The following PDXDC1 variants were observed in gnomAD, a reference collection of about 807,000 sequenced individuals.
The protein encoded by PDXDC1 is pyridoxal-dependent decarboxylase domain-containing protein 1.
PDXDC1 carries 42 observed loss-of-function variants against 100.1 expected under a neutral mutation model. The observed-to-expected ratio is 0.42, with a 90% CI of 0.33 to 0.54. The LOEUF (loss-of-function observed/expected upper bound fraction) is 0.54, where lower values mean the gene tolerates loss of function less well. Ranked by LOEUF, PDXDC1 falls within the 20% of genes least tolerant of loss-of-function variation. PDXDC1 has a pLI of 0.10. For missense variants in PDXDC1, 636 were observed against 979.2 expected (o/e 0.65, Z 4.68); for synonymous variants, 260 against 371.7 (o/e 0.70, Z 3.46).
intron 16 of PDXDC1, among the ~76,000 whole-genome samples, chr16:15,053,108 T>G (rs2044360533): frequency 6.6e-6 from 1 of 152,188 alleles, no homozygotes; most frequent in South Asian, 2.1e-4. Flanking sequence ...GAGTTTCAAT[T>G]TTATCTAATT....
intron 16 of PDXDC1, 141 bp from the exon 17 acceptor site, chr16:15,031,594 C>A: frequency 3.1e-6 from 2 of 646,214 alleles, no homozygotes; most frequent in Admixed American, 2.9e-5. Flanking sequence ...TGTTGAGGGC[C>A]TTTTTTTGTT....
At chr16:14,982,491 C>G (rs1408465020) in intron 1 of PDXDC1, among the ~76,000 whole-genome samples, 2 of 152,260 alleles carry the variant, frequency 1.3e-5, no homozygotes, top group African/African-American at 4.8e-5. Context: ...GGTGTGGTGG[C>G]TCACGCCTGT....
chr16:15,017,696 G>A (rs2041894462), intron 11 of PDXDC1, among the ~76,000 whole-genome samples: 1 of 152,188 alleles, frequency 6.6e-6, no homozygotes, highest in South Asian at 2.1e-4. Flanking sequence ...GTCTTTCTGT[G>A]TTTCTAATTA....
intron 16 of PDXDC1, among the ~76,000 whole-genome samples, chr16:15,046,259 CTCTT>C (rs1480672569): frequency 6.6e-6 from 1 of 152,260 alleles, no homozygotes; most frequent in African/African-American, 2.4e-5. Context: ...AGAGAACTCT[CTCTT>C]TCCTTTTTAG....
chr16:15,128,008 C>A, intron 16 of PDXDC1: 1 of 1,598,354 alleles, frequency 6.3e-7, no homozygotes, highest in Non-Finnish European at 8.6e-7. Context: ...CCAGCACCTC[C>A]TTCTCCACCA....
intron 16 of PDXDC1, chr16:15,061,612 A>G: frequency 2.7e-6 from 2 of 731,546 alleles, no homozygotes; most frequent in Non-Finnish European, 4.4e-6. Flanking sequence ...TCGAACCTGG[A>G]AGTGCCACAG....
intron 16 of PDXDC1, among the ~76,000 whole-genome samples, chr16:15,084,321 A>AT (rs113119521): frequency 0.64 from 97,644 of 151,968 alleles, 33,131 homozygotes; most frequent in Non-Finnish European, 0.74. Context: ...ATTTTTATTC[A>AT]TATGGCATGA....
At chr16:14,986,099 A>G (rs1969301979) in intron 1 of PDXDC1, among the ~76,000 whole-genome samples, 1 of 148,078 alleles carries the variant, frequency 6.8e-6, no homozygotes. Context: ...GTCATGTCTC[A>G]AAAAAAAAAA....
At chr16:14,979,328 C>T (rs376627189) in intron 1 of PDXDC1, among the ~76,000 whole-genome samples, 31 of 152,228 alleles carry the variant, frequency 2.0e-4, no homozygotes, top group Non-Finnish European at 2.8e-4. Flanking sequence ...CTCCCTCTGA[C>T]GCCCAGGCTA....
At chr16:15,063,843 C>T (rs555310459) in intron 16 of PDXDC1, among the ~76,000 whole-genome samples, 1 of 152,060 alleles carries the variant, frequency 6.6e-6, no homozygotes, top group African/African-American at 2.4e-5. Flanking sequence ...TTCATCTTTC[C>T]ATTTTCATGT....
intron 16 of PDXDC1, among the ~76,000 whole-genome samples, chr16:15,091,748 C>T (rs1157833829): frequency 6.6e-6 from 1 of 152,206 alleles, no homozygotes; most frequent in African/African-American, 2.4e-5. Context: ...TACATATAAA[C>T]ATATGGTTAC....
downstream of PDXDC1, chr16:15,040,104 G>T: frequency 8.6e-7 from 1 of 1,167,362 alleles, no homozygotes; most frequent in Non-Finnish European, 1.3e-6. Context: ...ATTGACAAAA[G>T]ACCAAAGCGG....
At chr16:15,025,716 A>G (rs1409649667) in intron 13 of PDXDC1, 1 of 152,776 alleles carries the variant, frequency 6.5e-6, no homozygotes, top group Non-Finnish European at 1.5e-5. Flanking sequence ...GAGCTATAGT[A>G]CTGGGATTGT....
At chr16:15,117,409 C>A (rs1225150590) in intron 16 of PDXDC1, among the ~76,000 whole-genome samples, 1 of 145,916 alleles carries the variant, frequency 6.9e-6, no homozygotes, top group East Asian at 2.0e-4. Flanking sequence ...GCCTGTAATC[C>A]CAGCACTGGG....
intron 16 of PDXDC1, among the ~76,000 whole-genome samples, chr16:15,096,843 A>G (rs948451063): frequency 5.9e-5 from 9 of 152,134 alleles, no homozygotes; most frequent in African/African-American, 2.2e-4. Context: ...AATTTTTTGT[A>G]TTTTTGGTAA....
At chr16:15,104,629 C>G (rs1334525110) in intron 16 of PDXDC1, 1 of 1,598,468 alleles carries the variant, frequency 6.3e-7, no homozygotes, top group African/African-American at 1.3e-5. Context: ...AGGGAGTTAT[C>G]AGTTATAGAA....
At chr16:14,982,293 T>C (rs529123602) in intron 1 of PDXDC1, among the ~76,000 whole-genome samples, 1 of 152,424 alleles carries the variant, frequency 6.6e-6, no homozygotes, top group Admixed American at 6.5e-5. Context: ...TGGTTAAAAA[T>C]AAGACTTTCA....
In PDXDC1 at chr16:15,011,644, T is replaced by TC. The variant is rs1248336161; in HGVS notation, c.727+1885_727+1886insC. On this transcript the variant is annotated intron_variant, in intron 8 of 22. Transcript: ENST00000396410. ...AAACATTTTTTTCTTTTTTTTTTTT[T>TC]TTTTTTGTCTTTTTCTATTTTTATT... Among the ~76,000 whole-genome samples the TC allele has an allele frequency of 1.1e-4, 17 of 151,772 alleles. No individual in the cohort carries two copies. The East Asian group carries it at 3.1e-3, about 28-fold the overall frequency.
chr16:15,149,028 G>A, the PDXDC1 span, among the ~76,000 whole-genome samples: 12 of 152,312 alleles, frequency 7.9e-5, no homozygotes, highest in East Asian at 2.1e-3. Context: ...CGTAAGACCC[G>A]GCTCAGGGAC....
Sources: gnomAD v4.1 joint callset for allele counts (sites outside exome capture counted in the v4.1 genomes callset) on GRCh38, gnomAD v4.1.1 for gene constraint, MANE v1.5 for transcripts, NCBI Gene and HGNC (gene_info 2026-07-23, HGNC 2026-07-21) for gene names.